The following RYR2 variants were observed in gnomAD, a reference collection of about 807,000 sequenced individuals.
RYR2 encodes the protein ryanodine receptor 2, also known as cardiac muscle ryanodine receptor-calcium release channel.
RYR2 carries 227 observed loss-of-function variants against 601.1 expected under a neutral mutation model. The ratio of observed to expected loss-of-function variants is 0.38; its 90% CI spans 0.34 to 0.42. The LOEUF is 0.42. Among genes scored for constraint, RYR2 ranks in the 10% least tolerant of loss-of-function variants. RYR2 has a pLI of 1.00. For synonymous variants in RYR2, 2,223 were observed against 2,175.1 expected, an observed-to-expected ratio of 1.02 and a Z score of -0.61; for missense variants, 4,646 against 6,156.5, an observed-to-expected ratio of 0.75 and a Z score of 8.21.
At chr1:237,331,929 C>G (rs538100238) in intron 3 of RYR2, among the ~76,000 whole-genome samples, 4 of 152,130 alleles carry the variant, frequency 2.6e-5, no homozygotes, top group Non-Finnish European at 5.9e-5. Flanking sequence ...CCAGTCTTAA[C>G]CAATTTATTA....
rs577482596 is a variant in RYR2 at position 237,424,775 on chromosome 1, T to C, written c.1005+1527T>C. 3.9e-5 allele frequency among the ~76,000 whole-genome samples: 6 copies of C among 152,300 alleles called. No homozygotes were observed. The East Asian group carries it at 7.7e-4, about 20-fold the overall frequency. ...TGCTTAATAAATTCCATTTTATTAATCTTATAATGGTGTCCTGTCACAGCA... is the reference window on the plus strand; with the variant it reads ...TGCTTAATAAATTCCATTTTATTAACCTTATAATGGTGTCCTGTCACAGCA... On this transcript the variant is annotated intron_variant, in intron 12 of 104. Transcript: ENST00000366574.
chr1:237,731,798 A>G (rs1409284457), intron 77 of RYR2, among the ~76,000 whole-genome samples: 1 of 152,090 alleles, frequency 6.6e-6, no homozygotes, highest in Non-Finnish European at 1.5e-5. Context: ...TGTATATTAC[A>G]TATTTACACT....
chr1:237,660,011 A>T lies in RYR2; in HGVS notation c.8235A>T (p.Glu2745Asp). ...TGGCAAATGGATGGATTTATGGAGA[A>T]ATATATTCAGACTCTTCTAAGGTTC... ...DKLANGWIYG[E>D]IYSDSSKVQP... The change falls in exon 55 of 105, where the codon GAA (glutamate) becomes GAT (aspartate). Residue 2745 changes from glutamate to aspartate, a missense_variant. Physicochemically the swap from Glu to Asp is conservative, Grantham distance 45. Transcript: ENST00000366574. 1 of 1,590,312 alleles carries T rather than the reference A, an allele frequency of 6.3e-7. No homozygotes were observed. The highest frequency in any genetic ancestry group is 2.3e-5 in the East Asian group (1 of 43,398).
At chr1:237,354,793 T>C (rs1699154966) in intron 3 of RYR2, among the ~76,000 whole-genome samples, 1 of 152,124 alleles carries the variant, frequency 6.6e-6, no homozygotes, top group Non-Finnish European at 1.5e-5. Context: ...AACAACAGTG[T>C]GTTTGTAAAA....
At position 237,441,423 on chromosome 1, in the gene RYR2, A is replaced by G. The variant is rs150705689; in HGVS notation, c.1110A>G (p.Leu370=). The G allele has an allele frequency of 1.3e-4, 211 of 1,611,322 alleles. No homozygotes were observed. The African/African-American group carries it at 2.3e-3, about 18-fold the overall frequency. Residue 370 remains leucine, a synonymous_variant, in exon 13 of 105, where the codon CTA becomes CTG. Coordinates refer to ENST00000366574, the MANE Select transcript of RYR2 (RefSeq NM_001035.3). ...ATATACAACATGTAGACACAGGCCTATGGCTTACTTACCAGTCTGTGGACG... is the reference window on the plus strand; with the variant it reads ...ATATACAACATGTAGACACAGGCCTGTGGCTTACTTACCAGTCTGTGGACG... The part of the protein sequence containing the change: ...VCYIQHVDTG[L]WLTYQSVDVK...
intron 80 of RYR2, among the ~76,000 whole-genome samples, chr1:237,744,255 T>C (rs1691863590): frequency 6.6e-6 from 1 of 152,146 alleles, no homozygotes; most frequent in South Asian, 2.1e-4. Flanking sequence ...GTTAAGCTTA[T>C]GTTTTATTTT....
At position 237,264,647 on chromosome 1, in the gene RYR2, G is replaced by A. The variant is rs534443259; in HGVS notation, c.49-5850G>A. On this transcript the variant is annotated intron_variant, in intron 1 of 104. Coordinates refer to ENST00000366574, the MANE Select transcript of RYR2 (RefSeq NM_001035.3). The stretch of plus-strand genomic sequence containing the variant: ...TACCTGACATTATGCTAGATACTGG[G>A]GCTATAATTCTAGGTAAAAACAGAC... Among the ~76,000 whole-genome samples the A allele has an allele frequency of 1.3e-4, 20 of 151,788 alleles. 1 individual carries two copies. The highest frequency in any genetic ancestry group is 5.8e-4 in the East Asian group (3 of 5,160).
chr1:237,222,956 G>A (rs576761214), intron 1 of RYR2, among the ~76,000 whole-genome samples: 11 of 152,114 alleles, frequency 7.2e-5, no homozygotes, highest in South Asian at 6.2e-4. Context: ...TCCCAGCTAC[G>A]CACGCAGGAG....
intron 101 of RYR2, among the ~76,000 whole-genome samples, chr1:237,822,418 C>T (rs1020566416): frequency 2.3e-4 from 35 of 152,282 alleles, no homozygotes; most frequent in African/African-American, 8.4e-4. Context: ...AATTTCACAT[C>T]CAGCCAAACT....
intron 3 of RYR2, among the ~76,000 whole-genome samples, chr1:237,342,073 T>C (rs911582638): frequency 6.6e-6 from 1 of 152,196 alleles, no homozygotes; most frequent in Non-Finnish European, 1.5e-5. Context: ...ACAAATAATA[T>C]GCACGCATAC....
chr1:237,507,027 G>T (rs773613562), intron 23 of RYR2, among the ~76,000 whole-genome samples: 6 of 152,200 alleles, frequency 3.9e-5, no homozygotes, highest in African/African-American at 9.7e-5. Flanking sequence ...CTGAAGGATG[G>T]TCTAGCTGCC....
intron 1 of RYR2, among the ~76,000 whole-genome samples, chr1:237,108,209 A>G (rs1446951529): frequency 6.6e-6 from 1 of 152,110 alleles, no homozygotes; most frequent in East Asian, 1.9e-4. Context: ...AGACTTAGCG[A>G]CCCAGAACCT....
intron 73 of RYR2, among the ~76,000 whole-genome samples, chr1:237,719,674 A>G (rs1367752901): frequency 6.6e-6 from 1 of 152,162 alleles, no homozygotes; most frequent in East Asian, 1.9e-4. Context: ...CCCCGCCTCC[A>G]ACACTGAGGA....
At chr1:237,426,798 G>A (rs904614267) in intron 12 of RYR2, among the ~76,000 whole-genome samples, 1 of 152,122 alleles carries the variant, frequency 6.6e-6, no homozygotes, top group African/African-American at 2.4e-5. Context: ...GATCTCTTGA[G>A]CTCAGGAATT....
intron 38 of RYR2, among the ~76,000 whole-genome samples, chr1:237,620,948 C>A (rs924134192): frequency 6.6e-6 from 1 of 152,072 alleles, no homozygotes; most frequent in Admixed American, 6.6e-5. Context: ...GACTACTCCA[C>A]CCAACGACAA....
chr1:237,187,662 T>C (rs1679520135), intron 1 of RYR2, among the ~76,000 whole-genome samples: 1 of 151,966 alleles, frequency 6.6e-6, no homozygotes, highest in South Asian at 2.1e-4. Context: ...CAGGCTGGTA[T>C]TGACCTCCTG....
Position 237,709,106 on chromosome 1 carries a change from CA to C in RYR2, c.10142+12del, listed in dbSNP as rs771284455. On this transcript the variant is annotated intron_variant, in intron 69 of 104. Transcript: ENST00000366574. Reference sequence around the variant, plus strand: ...ATTTGTGGACTATAACAGGTATGATCAAAAGTAATTTAGTAATTTCTCCAAT... The same window carrying C: ...ATTTGTGGACTATAACAGGTATGATCAAAGTAATTTAGTAATTTCTCCAAT... 1 of 1,550,196 alleles carries C rather than the reference CA, an allele frequency of 6.5e-7. No homozygotes were observed. Among genetic ancestry groups the C allele is most frequent in the South Asian group, 1.2e-5 (1 of 81,274 alleles).
intron 12 of RYR2, among the ~76,000 whole-genome samples, chr1:237,428,287 A>G (rs1392730338): frequency 2.0e-5 from 3 of 152,182 alleles, no homozygotes; most frequent in Non-Finnish European, 2.9e-5. Context: ...GTCTATTATA[A>G]AGATATACAT....
intron 10 of RYR2, among the ~76,000 whole-genome samples, chr1:237,407,474 G>A (rs1163260972): frequency 6.6e-6 from 1 of 152,098 alleles, no homozygotes; most frequent in East Asian, 1.9e-4. Flanking sequence ...TTTGGCCATT[G>A]TAACATATGA....
Sources: allele counts gnomAD v4.1 joint callset (sites outside exome capture counted in the v4.1 genomes callset), GRCh38; gene constraint gnomAD v4.1.1; transcripts MANE v1.5; gene names NCBI Gene and HGNC (gene_info 2026-07-23, HGNC 2026-07-21).